TENM2: variants seen among roughly 807,000 people sequenced by gnomAD.
The protein encoded by TENM2 is teneurin transmembrane protein 2.
TENM2 carries 52 observed loss-of-function variants against 245.2 expected under a neutral mutation model. The observed-to-expected ratio is 0.21, with a 90% confidence interval of 0.17 to 0.27. The LOEUF (loss-of-function observed/expected upper bound fraction) is 0.27. Ranked by LOEUF, TENM2 falls within the 10% of genes least tolerant of loss-of-function variation. TENM2 has a pLI of 1.00. For synonymous variants in TENM2, 1,363 were observed against 1,438.9 expected (o/e 0.95, Z 1.19); for missense variants, 3,046 against 3,666.8 (o/e 0.83, Z 4.37).
chr5:168,107,460 A>G (rs1318487263), intron 9 of TENM2, among the ~76,000 whole-genome samples: 1 of 152,132 alleles, frequency 6.6e-6, no homozygotes, highest in Non-Finnish European at 1.5e-5. Context: ...AGAGATTGTT[A>G]CCAATGTGTA....
chr5:167,526,594 G>T (rs1771140775), intron 2 of TENM2, among the ~76,000 whole-genome samples: 1 of 151,552 alleles, frequency 6.6e-6, no homozygotes, highest in African/African-American at 2.4e-5. Flanking sequence ...GATTACTTTA[G>T]AATCAATATA....
the TENM2 span, among the ~76,000 whole-genome samples, chr5:167,025,445 T>C: frequency 2.6e-5 from 4 of 152,188 alleles, no homozygotes; most frequent in Non-Finnish European, 4.4e-5. Context: ...TTCCAATAAC[T>C]GAATACATTT....
At chr5:167,959,479 C>T (rs1002911823) in intron 4 of TENM2, among the ~76,000 whole-genome samples, 24 of 152,214 alleles carry the variant, frequency 1.6e-4, no homozygotes, top group African/African-American at 5.8e-4. Context: ...CTTTCTTCCA[C>T]TTAATCTATT....
chr5:168,054,172 C>G (rs751723964), intron 6 of TENM2, among the ~76,000 whole-genome samples: 1 of 152,106 alleles, frequency 6.6e-6, no homozygotes, highest in Non-Finnish European at 1.5e-5. Context: ...ACATGTAGTC[C>G]CAAGAGCTGA....
chr5:167,851,857 T>C (rs1176756777), intron 2 of TENM2, among the ~76,000 whole-genome samples: 1 of 152,236 alleles, frequency 6.6e-6, no homozygotes, highest in African/African-American at 2.4e-5. Flanking sequence ...TTATTGTCTC[T>C]TTTAGGAATG....
chr5:168,099,239 A>G (rs1015841499), intron 9 of TENM2, among the ~76,000 whole-genome samples: 3 of 151,854 alleles, frequency 2.0e-5, no homozygotes, highest in African/African-American at 7.3e-5. Context: ...GTTATTACCC[A>G]TTACACTGAT....
intron 2 of TENM2, among the ~76,000 whole-genome samples, chr5:167,489,085 C>A (rs938875214): frequency 7.2e-5 from 11 of 152,228 alleles, no homozygotes; most frequent in Non-Finnish European, 1.5e-4. Context: ...CCTGGGTCAT[C>A]GCATTGGCTT....
At chr5:167,829,914 G>A (rs187324894) in intron 2 of TENM2, among the ~76,000 whole-genome samples, 207 of 152,276 alleles carry the variant, frequency 1.4e-3, no homozygotes, top group African/African-American at 4.7e-3. Context: ...AGGCCACAAA[G>A]GGCTGATGAA....
At chr5:167,105,824 C>T in the TENM2 span, among the ~76,000 whole-genome samples, 1 of 125,064 alleles carries the variant, frequency 8.0e-6, no homozygotes, top group Non-Finnish European at 1.6e-5. Context: ...GGAGGCGGAG[C>T]TTGCAGTGAG....
chr5:167,813,168 G>A (rs949574598), intron 2 of TENM2, among the ~76,000 whole-genome samples: 2 of 152,068 alleles, frequency 1.3e-5, no homozygotes, highest in Non-Finnish European at 2.9e-5. Flanking sequence ...AGCAGTGGCT[G>A]GGCCTCTGCA....
At chr5:167,379,510 C>T (rs1760965217) in intron 2 of TENM2, among the ~76,000 whole-genome samples, 2 of 152,158 alleles carry the variant, frequency 1.3e-5, no homozygotes, top group Non-Finnish European at 2.9e-5. Context: ...CTCAATAAAT[C>T]TAGCATTGGA....
intron 2 of TENM2, among the ~76,000 whole-genome samples, chr5:167,722,912 G>T (rs1042461205): frequency 6.6e-6 from 1 of 152,204 alleles, no homozygotes; most frequent in Non-Finnish European, 1.5e-5. Context: ...TAGTCACGGA[G>T]AAATGAGGCA....
intron 2 of TENM2, among the ~76,000 whole-genome samples, chr5:167,667,692 C>A (rs79116391): frequency 6.6e-6 from 1 of 152,154 alleles, no homozygotes. Flanking sequence ...AGGAGACAGT[C>A]GTCTCACTAA....
chr5:167,274,590 T>C, the TENM2 span, among the ~76,000 whole-genome samples: 2 of 151,916 alleles, frequency 1.3e-5, no homozygotes, highest in South Asian at 2.1e-4. Flanking sequence ...TCTTTCTTTT[T>C]TTTTTTAAGA....
At chr5:167,509,063 C>G (rs1221640426) in intron 2 of TENM2, among the ~76,000 whole-genome samples, 1 of 152,164 alleles carries the variant, frequency 6.6e-6, no homozygotes. Flanking sequence ...GGTGATCCAC[C>G]CACCTCAGCC....
At chr5:167,459,925 CACACACACACGCACACACACACACA>C (rs1404081859) in intron 2 of TENM2, among the ~76,000 whole-genome samples, 3 of 151,374 alleles carry the variant, frequency 2.0e-5, no homozygotes, top group African/African-American at 7.3e-5. Flanking sequence ...CACACACACA[CACACACACACGCACACACACACACA>C]ACACACACTC....
intron 2 of TENM2, among the ~76,000 whole-genome samples, chr5:167,669,313 T>C (rs1467308770): frequency 3.3e-5 from 5 of 152,040 alleles, no homozygotes; most frequent in Admixed American, 3.3e-4. Flanking sequence ...AAGTTCTTAA[T>C]AAGAAGTAAA....
At chr5:167,990,409 G>A (rs140090335) in intron 4 of TENM2, among the ~76,000 whole-genome samples, 68 of 152,272 alleles carry the variant, frequency 4.5e-4, no homozygotes, top group African/African-American at 1.3e-3. Flanking sequence ...CTTTTGCTAC[G>A]TAATCCTGCA....
At chr5:167,984,439 C>T (rs899356579) in intron 4 of TENM2, among the ~76,000 whole-genome samples, 2 of 152,076 alleles carry the variant, frequency 1.3e-5, no homozygotes, top group South Asian at 2.1e-4. Flanking sequence ...TGGTGGATCA[C>T]GAGGTCAGGA....
Sources: allele counts gnomAD v4.1 joint callset (sites outside exome capture counted in the v4.1 genomes callset), GRCh38; gene constraint gnomAD v4.1.1; transcripts MANE v1.5; gene names NCBI Gene and HGNC (gene_info 2026-07-23, HGNC 2026-07-21).